MYO10: variants seen among roughly 807,000 people sequenced by gnomAD.
MYO10 encodes myosin X.
Under a neutral mutation model 257.3 loss-of-function variants are expected in MYO10, and 133 were observed. The observed-to-expected ratio is 0.52, with a 90% confidence interval of 0.45 to 0.60. MYO10 has a LOEUF of 0.60. MYO10 is among the 20% of genes least tolerant of loss of function. The probability of loss-of-function intolerance (pLI) is 0.00; values close to 1 mark genes in which losing one functional copy is unlikely to be tolerated. For synonymous variants in MYO10, 1,104 were observed against 1,028.6 expected (o/e 1.07, Z -1.40); for missense variants, 2,399 against 2,635.7 (o/e 0.91, Z 1.97).
intron 30 of MYO10, among the ~76,000 whole-genome samples, chr5:16,683,417 G>A (rs1328729084): frequency 6.6e-6 from 1 of 152,126 alleles, no homozygotes; most frequent in Non-Finnish European, 1.5e-5. Context: ...AGGGTGCCAA[G>A]AAAGAAGAAA....
intron 25 of MYO10, among the ~76,000 whole-genome samples, chr5:16,700,471 G>T (rs952929453): frequency 6.6e-6 from 1 of 152,218 alleles, no homozygotes; most frequent in Non-Finnish European, 1.5e-5. Context: ...GAGGTCAGGA[G>T]TTCAAGACCA....
At chr5:16,822,193 G>A (rs148301548) in intron 2 of MYO10, among the ~76,000 whole-genome samples, 1 of 152,140 alleles carries the variant, frequency 6.6e-6, no homozygotes, top group African/African-American at 2.4e-5. Context: ...CTAGGTGATG[G>A]GATGGCGTGT....
intron 2 of MYO10, among the ~76,000 whole-genome samples, chr5:16,846,570 C>A (rs73060785): frequency 0.049 from 7,521 of 152,216 alleles, 647 homozygotes; most frequent in African/African-American, 0.17. Context: ...TAGTTGAAAC[C>A]GGTTGAGAAG....
chr5:16,745,228 T>G (rs747584191), intron 19 of MYO10, among the ~76,000 whole-genome samples: 2 of 152,072 alleles, frequency 1.3e-5, no homozygotes, highest in Non-Finnish European at 1.5e-5. Context: ...TAATCCCAGC[T>G]ACTCTGGAGG....
intron 1 of MYO10, among the ~76,000 whole-genome samples, chr5:16,912,385 A>C (rs753458194): frequency 3.0e-4 from 45 of 152,124 alleles, no homozygotes; most frequent in Non-Finnish European, 3.7e-4. Context: ...CACAGTCCCC[A>C]CCACTCCCTA....
rs192068413 is a variant in MYO10, at chr5:16,701,766, C to G, written c.2629G>C (p.Glu877Gln). Residue 877 changes from glutamate (E) to glutamine (Q), a missense_variant, in exon 25 of 41, where the codon GAA becomes CAA. Physicochemically the swap from Glu to Gln is conservative, Grantham distance 29. This residue lies in a region of MYO10 where 1,820 missense variants were observed against 1,939.4 expected (regional missense o/e 0.94). Transcript: ENST00000513610. This position sits in a 1 kb window ranked among gnomAD's most constrained non-coding sequence, Gnocchi z 8.1. ...TTATTTTCCTTCTGTTTCTCCAGTT[C>G]ACGGGTCAGTTCAGCTTCCTTCTGG... ...KSQKEAELTR[E>Q]LEKQKENKQV... 1.4e-4 allele frequency: 227 copies of G among 1,613,968 alleles called. No homozygotes were observed. The African/African-American group carries it at 2.6e-3, about 18-fold the overall frequency.
At chr5:16,930,817 G>C (rs552694669) in intron 1 of MYO10, among the ~76,000 whole-genome samples, 1 of 152,218 alleles carries the variant, frequency 6.6e-6, no homozygotes, top group South Asian at 2.1e-4. Context: ...CTACTGCTAA[G>C]ATAGGATGCT....
chr5:16,801,092 A>T (rs1742105836), intron 3 of MYO10, among the ~76,000 whole-genome samples: 1 of 152,166 alleles, frequency 6.6e-6, no homozygotes, highest in South Asian at 2.1e-4. Flanking sequence ...TTATAGCTTT[A>T]AACTGAACCA....
At chr5:16,713,507 CG>C (rs1437684519) in intron 19 of MYO10, 1 of 985,174 alleles carries the variant, frequency 1.0e-6, no homozygotes, top group Admixed American at 6.2e-5. Flanking sequence ...CTTCCATTCT[CG>C]GGCTAATTAG....
intron 1 of MYO10, among the ~76,000 whole-genome samples, chr5:16,894,149 C>T (rs1181138651): frequency 6.6e-6 from 1 of 152,196 alleles, no homozygotes; most frequent in African/African-American, 2.4e-5. Flanking sequence ...GACACTGGCA[C>T]CTTACCATGA....
intron 1 of MYO10, among the ~76,000 whole-genome samples, chr5:16,900,535 G>A (rs1745347532): frequency 6.6e-6 from 1 of 152,048 alleles, no homozygotes; most frequent in African/African-American, 2.4e-5. Context: ...AGGGAGGTGA[G>A]CAGCTTTCAA....
At chr5:16,922,823 G>A (rs985831590) in intron 1 of MYO10, among the ~76,000 whole-genome samples, 1 of 152,168 alleles carries the variant, frequency 6.6e-6, no homozygotes, top group Admixed American at 6.5e-5. Flanking sequence ...TTGGGCCCAG[G>A]AGTTCAAGAC....
intron 1 of MYO10, among the ~76,000 whole-genome samples, chr5:16,886,585 C>G (rs1012413792): frequency 6.6e-6 from 1 of 152,116 alleles, no homozygotes; most frequent in Non-Finnish European, 1.5e-5. Flanking sequence ...TCAGCTACAT[C>G]ATCATCGTCA....
Position 16,768,060 on chromosome 5 carries a change from G to T in MYO10, c.1060+1014C>A, listed in dbSNP as rs1740932437. Reference sequence around the variant, plus strand: ...AGCTCTCGGGGGTTCTATGATTTTTGAGAATATTAAGAGGTGCTGGGTAGA... The same window carrying T: ...AGCTCTCGGGGGTTCTATGATTTTTTAGAATATTAAGAGGTGCTGGGTAGA... On this transcript the variant is annotated intron_variant, in intron 10 of 40. Transcript: ENST00000513610. Among the ~76,000 whole-genome samples, 3 of 151,962 alleles carry T rather than the reference G, an allele frequency of 2.0e-5. No homozygotes were observed. The South Asian group carries it at 6.2e-4, about 32-fold the overall frequency.
Position 16,682,028 on chromosome 5 carries a change from G to T in MYO10, c.4047-15C>A. 6.2e-7 allele frequency: 1 copy of T among 1,611,346 alleles called. No individual in the cohort carries two copies. The highest frequency in any genetic ancestry group is 1.1e-5 in the South Asian group (1 of 91,006). ...ACGAGTTGGGTCTGAGCCACAAGATGAGAAGGAAACAAAGCCCCTTAGCCC... is the reference window on the plus strand; with the variant it reads ...ACGAGTTGGGTCTGAGCCACAAGATTAGAAGGAAACAAAGCCCCTTAGCCC... On this transcript the variant is annotated splice_polypyrimidine_tract_variant and intron_variant, in intron 30 of 40. Coordinates refer to ENST00000513610, the MANE Select transcript of MYO10 (RefSeq NM_012334.3).
chr5:16,755,795 C>G (rs1393706982), intron 18 of MYO10, among the ~76,000 whole-genome samples: 1 of 150,190 alleles, frequency 6.7e-6, no homozygotes, highest in African/African-American at 2.4e-5. Context: ...GTTCTCATTA[C>G]CAGCTTCAGC....
At chr5:16,805,163 A>G (rs1012828642) in intron 3 of MYO10, among the ~76,000 whole-genome samples, 1 of 152,054 alleles carries the variant, frequency 6.6e-6, no homozygotes, top group Non-Finnish European at 1.5e-5. Flanking sequence ...GCAAAGATAA[A>G]GTGTGGTAAG....
At chr5:16,817,177 A>C (rs559909711) in intron 3 of MYO10, among the ~76,000 whole-genome samples, 1 of 152,350 alleles carries the variant, frequency 6.6e-6, no homozygotes, top group South Asian at 2.1e-4. Context: ...GTAACTCCTA[A>C]AGAATAAAAA....
At chr5:16,699,816 G>T (rs1424247256) in intron 25 of MYO10, among the ~76,000 whole-genome samples, 1 of 144,080 alleles carries the variant, frequency 6.9e-6, no homozygotes, top group Non-Finnish European at 1.5e-5. Context: ...AAGGGAAAAG[G>T]AAAAAGAAAA....
Sources: gnomAD v4.1 joint callset for allele counts (sites outside exome capture counted in the v4.1 genomes callset) on GRCh38, gnomAD v4.1.1 for gene constraint, gnomAD v4.1.1 regional missense constraint, Gnocchi (gnomAD v3.1) non-coding constraint, MANE v1.5 for transcripts, NCBI Gene and HGNC (gene_info 2026-07-23, HGNC 2026-07-21) for gene names.